FBLN2: variants seen among roughly 807,000 people sequenced by gnomAD.
FBLN2 encodes fibulin-2.
FBLN2 carries 81 observed loss-of-function variants against 123.7 expected under a neutral mutation model. The ratio of observed to expected loss-of-function variants is 0.65; its 90% CI spans 0.55 to 0.79. FBLN2 has a LOEUF of 0.79. Among genes scored for constraint, FBLN2 ranks in the 30% least tolerant of loss-of-function variants. The pLI is 0.00. For missense variants in FBLN2, 1,603 were observed against 1,681.3 expected, an observed-to-expected ratio of 0.95 and a Z score of 0.81; for synonymous variants, 699 against 701.4, an observed-to-expected ratio of 1.00 and a Z score of 0.05.
intron 4 of FBLN2, among the ~76,000 whole-genome samples, chr3:13,609,958 G>C (rs576588639): frequency 3.3e-5 from 5 of 152,362 alleles, no homozygotes; most frequent in Admixed American, 2.6e-4. Context: ...GACAGAGGAA[G>C]ATCACGATGA....
intron 2 of FBLN2, among the ~76,000 whole-genome samples, chr3:13,584,024 A>G (rs1473780336): frequency 6.6e-6 from 1 of 152,146 alleles, no homozygotes; most frequent in Admixed American, 6.5e-5. Flanking sequence ...TGGGAGTGAA[A>G]CAGCTTGTTG....
chr3:13,612,319 C>CTTTCT (rs1236953749), intron 4 of FBLN2, among the ~76,000 whole-genome samples: 3 of 136,320 alleles, frequency 2.2e-5, no homozygotes, highest in African/African-American at 8.4e-5. Context: ...TTCTTTCTTT[C>CTTTCT]TTTCTTTCTT....
rs143819543 is a variant in FBLN2, at chr3:13,634,343, G to A, written c.3215-2102G>A. Among the ~76,000 whole-genome samples the A allele has an allele frequency of 9.6e-4, 146 of 152,350 alleles. 1 individual carries two copies. The highest frequency in any genetic ancestry group is 5.0e-3 in the Admixed American group (77 of 15,312). ...TCTCCAGGGGCCTGGCAGCGCCGAT[G>A]GGCGAGGCCCTGGGGCGTTAGGGAA... On this transcript the variant is annotated intron_variant, in intron 16 of 17. Transcript: ENST00000404922.
chr3:13,635,554 A>C (rs1706430720), intron 16 of FBLN2, among the ~76,000 whole-genome samples: 1 of 152,106 alleles, frequency 6.6e-6, no homozygotes, highest in Non-Finnish European at 1.5e-5. Context: ...GCGTGTGCTC[A>C]CGTGTGTGCT....
In FBLN2 at chr3:13,618,985, C is replaced by T. The variant is rs758466241; in HGVS notation, c.2021C>T (p.Pro674Leu). The change falls in exon 7 of 18, where the codon CCG (proline) becomes CTG (leucine). Residue 674 changes from proline (P) to leucine (L), a missense_variant. Coordinates refer to ENST00000404922, the MANE Select transcript of FBLN2 (RefSeq NM_001004019.2). ...TCCCAGGTGGCCTCTAACACCATCC[C>T]GCTGCCACTGCCGCAGCCCAATACC... The part of the protein sequence containing the change: ...EFSQVASNTI[P>L]LPLPQPNTCK... 8 of 1,612,844 alleles carry T rather than the reference C, an allele frequency of 5.0e-6. No individual in the cohort carries two copies. Among genetic ancestry groups the T allele is most frequent in the Middle Eastern group, 1.7e-4 (1 of 6,060 alleles).
chr3:13,626,822 C>T (rs1706057932), intron 10 of FBLN2, among the ~76,000 whole-genome samples: 1 of 152,148 alleles, frequency 6.6e-6, no homozygotes, highest in Non-Finnish European at 1.5e-5. Context: ...CTAGGTCCAC[C>T]CCGGCTTTGC....
intron 2 of FBLN2, among the ~76,000 whole-genome samples, chr3:13,594,576 C>T (rs1411665258): frequency 5.3e-5 from 8 of 152,196 alleles, no homozygotes; most frequent in African/African-American, 1.9e-4. Context: ...CACTCTGCCT[C>T]CCTGGGTCTT....
intron 16 of FBLN2, among the ~76,000 whole-genome samples, chr3:13,634,493 C>T (rs898551631): frequency 3.9e-5 from 6 of 152,272 alleles, no homozygotes; most frequent in Non-Finnish European, 8.8e-5. Context: ...AAAGCTCCCA[C>T]GTCCTTCCTG....
At chr3:13,577,468 C>T (rs1437250053) in intron 2 of FBLN2, among the ~76,000 whole-genome samples, 1 of 152,132 alleles carries the variant, frequency 6.6e-6, no homozygotes, top group Non-Finnish European at 1.5e-5. Flanking sequence ...GGCAGGCTGT[C>T]CAGGGCCTGT....
chr3:13,636,360 GC>G, intron 16 of FBLN2, 84 bp from the exon 17 acceptor site: 1 of 1,542,042 alleles, frequency 6.5e-7, no homozygotes, highest in Non-Finnish European at 8.8e-7. Context: ...CTGCCGTGGG[GC>G]CCAGGCCTTT....
At chr3:13,622,073 C>T (rs1189420613) in intron 9 of FBLN2, among the ~76,000 whole-genome samples, 158 bp downstream of exon 9, 2 of 152,206 alleles carry the variant, frequency 1.3e-5, no homozygotes, top group East Asian at 3.9e-4. Context: ...CCCTTGTGTC[C>T]TGGCGTCTTG....
At chr3:13,562,645 T>C (rs1703645160) in intron 1 of FBLN2, among the ~76,000 whole-genome samples, 1 of 152,198 alleles carries the variant, frequency 6.6e-6, no homozygotes, top group African/African-American at 2.4e-5. Flanking sequence ...CGCGCCCGGC[T>C]GCGATTTACC....
rs889394135 is a variant in FBLN2, at chr3:13,638,007, A to G, written c.*88A>G. 48 of 1,227,402 alleles carry G rather than the reference A, an allele frequency of 3.9e-5. No individual in the cohort carries two copies. The highest frequency in any genetic ancestry group is 1.4e-4 in the Admixed American group (6 of 43,118). The allele number at this position is 1,227,402 out of a possible 1,614,324, so 76.0% of individuals were successfully genotyped here. ...CTGGGTCACTATTGTGGTTTTTACTATAACTTTGTAAATTAACTTAATTTT... is the reference window on the plus strand; with the variant it reads ...CTGGGTCACTATTGTGGTTTTTACTGTAACTTTGTAAATTAACTTAATTTT... On this transcript the variant is annotated 3_prime_UTR_variant, in exon 18 of 18. Transcript: ENST00000404922.
intron 16 of FBLN2, among the ~76,000 whole-genome samples, chr3:13,633,231 G>A (rs539662309): frequency 9.8e-4 from 149 of 152,364 alleles, no homozygotes; most frequent in Middle Eastern, 3.4e-3. Context: ...TGACCCTAGC[G>A]CTTCTCTCCT....
Position 13,571,095 on chromosome 3 carries a change from G to C in FBLN2, c.740G>C (p.Trp247Ser), listed in dbSNP as rs1269129961. 3 of 1,553,098 alleles carry C rather than the reference G, an allele frequency of 1.9e-6. No homozygotes were observed. The change falls in exon 2 of 18, where the codon TGG (tryptophan) becomes TCG (serine). Residue 247 changes from tryptophan to serine, a missense_variant. Trp to Ser is a radical substitution (Grantham distance 177). Transcript: ENST00000404922. ...QPLSTIQAPP[W>S]PAVLPRPTAA... ...CTGTCCACCATCCAGGCACCCCCCTGGCCAGCTGTCCTCCCCAGGCCCACA... is the reference window on the plus strand; with the variant it reads ...CTGTCCACCATCCAGGCACCCCCCTCGCCAGCTGTCCTCCCCAGGCCCACA...
At position 13,618,161 on chromosome 3, in the gene FBLN2, G is replaced by A; in HGVS notation, c.1815G>A (p.Gln605=). The A allele has an allele frequency of 6.2e-7, 1 of 1,613,786 alleles. No homozygotes were observed. Among genetic ancestry groups the A allele is most frequent in the Non-Finnish European group, 8.5e-7 (1 of 1,179,912 alleles). The change falls in exon 6 of 18, where the codon CAG becomes CAA. Residue 605 remains glutamine, a synonymous_variant. Coordinates refer to ENST00000404922, the MANE Select transcript of FBLN2 (RefSeq NM_001004019.2). ...CGAACAGCCTGCCGGGCGATGACCA[G>A]GATGAGTGCCTTCTCCTCCCGGGAG... The part of the protein sequence containing the change: ...ELPNSLPGDD[Q]DECLLLPGEL...
At position 13,570,535 on chromosome 3, in the gene FBLN2, G is replaced by T. The variant is rs374827798; in HGVS notation, c.180G>T (p.Gln60His). 1.9e-6 allele frequency: 3 copies of T among 1,592,928 alleles called. No homozygotes were observed. The African/African-American group carries it at 4.0e-5, about 21-fold the overall frequency. Residue 60 changes from glutamine to histidine, a missense_variant, in exon 2 of 18, where the codon CAG becomes CAT. Physicochemically the swap from Gln to His is conservative, Grantham distance 24. Transcript: ENST00000404922. ...GTGCCTGCTGTGCCACGTGTGTGCA[G>T]CAGGGCTGCGCCTGCGAGGGCTACC... ...EPGACCATCV[Q>H]QGCACEGYQY... is the part of the protein sequence containing the mutation.
At chr3:13,586,434 A>G (rs1221772883) in intron 2 of FBLN2, among the ~76,000 whole-genome samples, 1 of 150,128 alleles carries the variant, frequency 6.7e-6, no homozygotes, top group Non-Finnish European at 1.5e-5. Context: ...CCGCCTGCCT[A>G]GGCCTCTCAA....
intron 4 of FBLN2, among the ~76,000 whole-genome samples, chr3:13,612,315 C>CTTTCTTTCTTTCTTTCT (rs1208137611): frequency 7.2e-6 from 1 of 138,084 alleles, no homozygotes; most frequent in African/African-American, 2.8e-5. Context: ...TTCTTTCTTT[C>CTTTCTTTCTTTCTTTCT]TTTCTTTCTT....
Sources: allele counts gnomAD v4.1 joint callset (sites outside exome capture counted in the v4.1 genomes callset), GRCh38; gene constraint gnomAD v4.1.1; transcripts MANE v1.5; gene names NCBI Gene and HGNC (gene_info 2026-07-23, HGNC 2026-07-21).